The following NAV2 variants were observed in gnomAD, a reference collection of about 807,000 sequenced individuals.
NAV2 encodes the protein neuron navigator 2.
NAV2 carries 54 observed loss-of-function variants against 223.2 expected under a neutral mutation model. The ratio of observed to expected loss-of-function variants is 0.24; its 90% CI spans 0.19 to 0.30. NAV2 has a LOEUF of 0.30. Among genes scored for constraint, NAV2 ranks in the 10% least tolerant of loss-of-function variants. The pLI is 1.00. For missense variants in NAV2, 2,806 were observed against 3,147.5 expected, an observed-to-expected ratio of 0.89 and a Z score of 2.60; for synonymous variants, 1,279 against 1,239.3, an observed-to-expected ratio of 1.03 and a Z score of -0.67.
rs142493074 is a variant in NAV2, at chr11:19,439,838, C to T, written c.75+88811C>T. ...ATTCATTTTTCTTACATGCGCTGAGCGTGATTTAATCTTCCATTCATTCTG... is the reference window on the plus strand; with the variant it reads ...ATTCATTTTTCTTACATGCGCTGAGTGTGATTTAATCTTCCATTCATTCTG... On this transcript the variant is annotated intron_variant, in intron 1 of 37. Transcript: ENST00000360655. 7.7e-3 allele frequency among the ~76,000 whole-genome samples: 1,173 copies of T among 152,336 alleles called. 14 individuals carry two copies. The highest frequency in any genetic ancestry group is 0.026 in the African/African-American group (1,095 of 41,568).
chr11:20,092,610 G>A (rs1375690013), intron 28 of NAV2, among the ~76,000 whole-genome samples: 5 of 151,910 alleles, frequency 3.3e-5, no homozygotes, highest in African/African-American at 4.8e-5. Flanking sequence ...GGATCCCCTC[G>A]CCCACCATGC....
chr11:20,061,547 C>T (rs56766893), intron 19 of NAV2, among the ~76,000 whole-genome samples: 2 of 137,312 alleles, frequency 1.5e-5, no homozygotes, highest in Non-Finnish European at 3.1e-5. Context: ...CCAGCCTGGG[C>T]AACAGAGTGA....
At chr11:19,777,725 T>C in intron 1 of NAV2, 1 of 408,170 alleles carries the variant, frequency 2.4e-6, no homozygotes, top group Non-Finnish European at 5.0e-6. Context: ...TGTATGTCTC[T>C]GGTTGTGAGT....
chr11:19,706,339 G>A (rs2049661658), intron 1 of NAV2, among the ~76,000 whole-genome samples: 1 of 152,172 alleles, frequency 6.6e-6, no homozygotes, highest in Non-Finnish European at 1.5e-5. Flanking sequence ...ATACCTCTTA[G>A]AGTTTCAACA....
chr11:19,532,924 A>G (rs1349389744), intron 1 of NAV2, among the ~76,000 whole-genome samples: 1 of 152,082 alleles, frequency 6.6e-6, no homozygotes, highest in African/African-American at 2.4e-5. Flanking sequence ...TGTAGAGGTA[A>G]CTCATCCCCA....
At chr11:19,430,712 A>G (rs1004249245) in intron 1 of NAV2, among the ~76,000 whole-genome samples, 2 of 151,982 alleles carry the variant, frequency 1.3e-5, no homozygotes, top group Non-Finnish European at 2.9e-5. Flanking sequence ...TTAAGAAGAT[A>G]TGATGCCAGT....
chr11:19,797,203 G>A (rs2057964411), intron 1 of NAV2, among the ~76,000 whole-genome samples: 1 of 151,876 alleles, frequency 6.6e-6, no homozygotes. Context: ...CAGTAGATGA[G>A]TCCCCCCACT....
intron 5 of NAV2, 42 bp downstream of exon 5, chr11:19,880,169 C>T: frequency 1.3e-6 from 2 of 1,510,802 alleles, no homozygotes; most frequent in Non-Finnish European, 1.8e-6. Flanking sequence ...TTTTCAGGCA[C>T]CTTCCTCCAC....
chr11:19,435,872 T>C (rs1330134870), intron 1 of NAV2, among the ~76,000 whole-genome samples: 1 of 152,216 alleles, frequency 6.6e-6, no homozygotes, highest in Admixed American at 6.5e-5. Flanking sequence ...TATGTCTTCA[T>C]TTCAGAAAGT....
chr11:19,593,149 C>T (rs2046109607), intron 1 of NAV2, among the ~76,000 whole-genome samples: 1 of 152,204 alleles, frequency 6.6e-6, no homozygotes, highest in South Asian at 2.1e-4. Flanking sequence ...ACCCCTCTCC[C>T]TTCCGCCACC....
At chr11:20,064,801 A>G (rs1453605174) in intron 20 of NAV2, among the ~76,000 whole-genome samples, 1 of 152,220 alleles carries the variant, frequency 6.6e-6, no homozygotes, top group Non-Finnish European at 1.5e-5. Flanking sequence ...TTTTATCTGG[A>G]TAACAAGAGA....
intron 1 of NAV2, among the ~76,000 whole-genome samples, chr11:19,757,207 G>T (rs2054305049): frequency 6.6e-6 from 1 of 152,180 alleles, no homozygotes; most frequent in Admixed American, 6.5e-5. Context: ...TCTCCTGGTG[G>T]AAACCACAGG....
At chr11:19,884,371 T>TA in intron 5 of NAV2, 1 of 1,611,258 alleles carries the variant, frequency 6.2e-7, no homozygotes, top group Non-Finnish European at 8.5e-7. Flanking sequence ...AGGTTAGACT[T>TA]TCTCTGTGTC....
At chr11:19,895,344 T>A (rs2041889051) in intron 6 of NAV2, among the ~76,000 whole-genome samples, 1 of 152,144 alleles carries the variant, frequency 6.6e-6, no homozygotes, top group Admixed American at 6.5e-5. Context: ...GCCAAAGTGC[T>A]AGGATTGCAG....
intron 1 of NAV2, among the ~76,000 whole-genome samples, chr11:19,585,989 C>A (rs1565075347): frequency 6.6e-6 from 1 of 152,158 alleles, no homozygotes; most frequent in Non-Finnish European, 1.5e-5. Context: ...CAACTTTGTT[C>A]CATTCTCTCC....
At chr11:19,768,983 G>C (rs1362461417) in intron 1 of NAV2, among the ~76,000 whole-genome samples, 1 of 152,222 alleles carries the variant, frequency 6.6e-6, no homozygotes, top group Non-Finnish European at 1.5e-5. Context: ...GGCCTAGTGT[G>C]AACCTCTCAT....
At chr11:19,859,567 G>A (rs1195754318) in intron 3 of NAV2, among the ~76,000 whole-genome samples, 2 of 151,776 alleles carry the variant, frequency 1.3e-5, no homozygotes, top group East Asian at 2.0e-4. Flanking sequence ...GCAACCATCC[G>A]ATTTCTCAAT....
At chr11:19,871,299 G>A (rs1236690926) in intron 4 of NAV2, among the ~76,000 whole-genome samples, 3 of 152,248 alleles carry the variant, frequency 2.0e-5, no homozygotes, top group East Asian at 1.9e-4. Flanking sequence ...TTCAATCTCA[G>A]ACTCTACTCA....
chr11:19,522,793 C>T (rs978820265), intron 1 of NAV2, among the ~76,000 whole-genome samples: 5 of 152,226 alleles, frequency 3.3e-5, no homozygotes, highest in African/African-American at 9.7e-5. Context: ...TGTTATTTCA[C>T]GTCTGTTCTT....
Sources: allele counts gnomAD v4.1 joint callset (sites outside exome capture counted in the v4.1 genomes callset), GRCh38; gene constraint gnomAD v4.1.1; transcripts MANE v1.5; gene names NCBI Gene and HGNC (gene_info 2026-07-23, HGNC 2026-07-21).